The following GDAP1 variants were observed in gnomAD, a reference collection of about 807,000 sequenced individuals.
GDAP1 encodes the protein ganglioside induced differentiation associated protein 1, also known as ganglioside-induced differentiation-associated protein 1.
Under a neutral mutation model 40.1 loss-of-function variants are expected in GDAP1, and 34 were observed. That is an observed-to-expected ratio of 0.85 (90% CI 0.64 to 1.13). GDAP1 has a LOEUF of 1.13. Among genes scored for constraint, GDAP1 ranks in the 50% most tolerant of loss-of-function variants. GDAP1 has a pLI of 0.00. For synonymous variants in GDAP1, 170 were observed against 157.4 expected (o/e 1.08, Z -0.60); for missense variants, 374 against 433.7 (o/e 0.86, Z 1.22).
downstream of GDAP1, among the ~76,000 whole-genome samples, chr8:74,370,222 T>C (rs1232478619): frequency 6.6e-6 from 1 of 152,238 alleles, no homozygotes; most frequent in Non-Finnish European, 1.5e-5. Context: ...GGTTACTGTT[T>C]AGAACAAGAA....
intron 2 of GDAP1, among the ~76,000 whole-genome samples, chr8:74,455,047 T>C (rs990414106): frequency 1.3e-5 from 2 of 151,946 alleles, no homozygotes; most frequent in African/African-American, 4.8e-5. Context: ...CAAATCCACA[T>C]AGGAGAAGAA....
intron 2 of GDAP1, among the ~76,000 whole-genome samples, chr8:74,485,048 C>G (rs1806759641): frequency 6.6e-6 from 1 of 152,130 alleles, no homozygotes; most frequent in Admixed American, 6.5e-5. Flanking sequence ...TTAAAAATCA[C>G]AAATGGTGCT....
intron 2 of GDAP1, among the ~76,000 whole-genome samples, chr8:74,463,471 A>C (rs1046065832): frequency 1.4e-5 from 2 of 146,094 alleles, no homozygotes; most frequent in African/African-American, 5.1e-5. Context: ...AAAAAAAAAA[A>C]CAAAAATAGT....
At chr8:74,386,006 C>G (rs1405576234) in intron 2 of GDAP1, among the ~76,000 whole-genome samples, 1 of 152,168 alleles carries the variant, frequency 6.6e-6, no homozygotes, top group African/African-American at 2.4e-5. Flanking sequence ...CTGTCTGTTT[C>G]ATATCCTTCA....
At chr8:74,379,072 T>C (rs1379161654) in intron 2 of GDAP1, among the ~76,000 whole-genome samples, 1 of 150,738 alleles carries the variant, frequency 6.6e-6, no homozygotes, top group Non-Finnish European at 1.5e-5. Flanking sequence ...TGTTGGAGGC[T>C]GGAGCAATCT....
intron 2 of GDAP1, among the ~76,000 whole-genome samples, chr8:74,471,209 C>T (rs1806549403): frequency 6.6e-6 from 1 of 152,102 alleles, no homozygotes; most frequent in Non-Finnish European, 1.5e-5. Flanking sequence ...CCTGTTCACT[C>T]TGATGGTAGT....
chr8:74,398,943 T>C (rs1050122710), intron 2 of GDAP1, among the ~76,000 whole-genome samples: 13 of 152,230 alleles, frequency 8.5e-5, no homozygotes, highest in South Asian at 4.1e-4. Flanking sequence ...CTGCTGGATT[T>C]GGTTTGCCAG....
chr8:74,479,468 T>C (rs1288476835), intron 2 of GDAP1, among the ~76,000 whole-genome samples: 1 of 152,222 alleles, frequency 6.6e-6, no homozygotes, highest in Non-Finnish European at 1.5e-5. Flanking sequence ...CTATAATTTC[T>C]TTTTTATGAA....
chr8:74,377,005 A>T (rs943693273), intron 2 of GDAP1, among the ~76,000 whole-genome samples: 2 of 152,208 alleles, frequency 1.3e-5, no homozygotes, highest in African/African-American at 4.8e-5. Flanking sequence ...GTAGATATCC[A>T]CATTAAAAAC....
At chr8:74,361,192 A>G (rs1442984462) in intron 3 of GDAP1, among the ~76,000 whole-genome samples, 1 of 151,758 alleles carries the variant, frequency 6.6e-6, no homozygotes, top group Non-Finnish European at 1.5e-5. Context: ...AAGAGTTTTG[A>G]CTATAATTCT....
At chr8:74,469,593 C>T (rs774551195) in intron 2 of GDAP1, among the ~76,000 whole-genome samples, 5 of 149,696 alleles carry the variant, frequency 3.3e-5, no homozygotes, top group Admixed American at 2.7e-4. Context: ...GCGTGAACCC[C>T]GGGGAGCGGA....
At position 74,452,635 on chromosome 8, in the gene GDAP1, T is replaced by C. The variant is rs1325535110; in HGVS notation, c.166-36043T>C. On this transcript the variant is annotated intron_variant, in intron 2 of 2. Coordinates refer to the GDAP1 transcript ENST00000523640. ...AGAATTTCAATTTGGCTCTTCATTT[T>C]AGTTTTCATATGTTCTGATAGTCCT... Among the ~76,000 whole-genome samples the C allele has an allele frequency of 8.3e-5, 7 of 84,182 alleles. 3 individuals are homozygous for C. The highest frequency in any genetic ancestry group is 3.6e-4 in the African/African-American group (7 of 19,524). 55.2% of individuals were successfully genotyped at this position (84,182 alleles called of 152,430 possible).
intron 2 of GDAP1, among the ~76,000 whole-genome samples, chr8:74,377,838 G>A (rs969565435): frequency 9.2e-5 from 14 of 152,162 alleles, no homozygotes; most frequent in African/African-American, 2.9e-4. Context: ...ACTGTTTATA[G>A]CTGCTTTATT....
intron 2 of GDAP1, among the ~76,000 whole-genome samples, chr8:74,439,612 T>C (rs1160026945): frequency 6.6e-6 from 1 of 151,986 alleles, no homozygotes; most frequent in Non-Finnish European, 1.5e-5. Context: ...TTTGTTTGTT[T>C]GTTTTTTTTA....
Position 74,366,067 on chromosome 8 carries a change from A to G in GDAP1, c.*1700A>G. 2.3e-6 allele frequency: 1 copy of G among 441,342 alleles called. No individual in the cohort carries two copies. The highest frequency in any genetic ancestry group is 1.7e-5 in the South Asian group (1 of 60,586). The allele number at this position is 441,342 out of a possible 1,614,324, so 27.3% of individuals were successfully genotyped here. ...AAAAACCTCTGAAGGATATTTACCT[A>G]TGAAAAAGTTGTTAAGAATAAAAAT... On this transcript the variant is annotated 3_prime_UTR_variant, in exon 6 of 6. Coordinates refer to ENST00000220822, the MANE Select transcript of GDAP1 (RefSeq NM_018972.4).
intron 2 of GDAP1, among the ~76,000 whole-genome samples, chr8:74,477,984 G>T (rs993887403): frequency 6.6e-6 from 1 of 152,162 alleles, no homozygotes. Flanking sequence ...GTGGGAGCAG[G>T]ACAGTGTGTA....
Position 74,401,555 on chromosome 8 carries a change from T to C in GDAP1, c.165+50234T>C, listed in dbSNP as rs539727723. 3.5e-4 allele frequency among the ~76,000 whole-genome samples: 52 copies of C among 150,300 alleles called. 9 individuals carry two copies. The highest frequency in any genetic ancestry group is 1.3e-3 in the African/African-American group (52 of 39,572). ...TCTGAAGCCTTCTTCTCTCAACTCG[T>C]CAAAGTCATTCTCCGTCCAGCTTTG... On this transcript the variant is annotated intron_variant, in intron 2 of 2. Coordinates refer to the GDAP1 transcript ENST00000523640.
chr8:74,460,744 A>G (rs1806390996), intron 2 of GDAP1, among the ~76,000 whole-genome samples: 1 of 152,164 alleles, frequency 6.6e-6, no homozygotes, highest in South Asian at 2.1e-4. Flanking sequence ...AAAAGGTTCT[A>G]TTTGTGGAGT....
intron 2 of GDAP1, among the ~76,000 whole-genome samples, chr8:74,402,003 TCAGGGACCCACTTGAGGAGG>T (rs1810350890): frequency 6.7e-6 from 1 of 150,088 alleles, no homozygotes; most frequent in African/African-American, 2.5e-5. Flanking sequence ...GGGTCAGGGG[TCAGGGACCCACTTGAGGAGG>T]CAGTCTGCCC....
Sources: allele counts gnomAD v4.1 joint callset (sites outside exome capture counted in the v4.1 genomes callset), GRCh38; gene constraint gnomAD v4.1.1; transcripts MANE v1.5; gene names NCBI Gene and HGNC (gene_info 2026-07-23, HGNC 2026-07-21).